Variants in ALK observed in about 807,000 individuals in gnomAD.
ALK encodes the protein ALK tyrosine kinase receptor.
Under a neutral mutation model 163.1 loss-of-function variants are expected in ALK, and 74 were observed. The ratio of observed to expected loss-of-function variants is 0.45; its 90% CI spans 0.38 to 0.55. The LOEUF is 0.55. ALK is among the 20% of genes least tolerant of loss of function. ALK has a pLI of 0.00. For missense variants in ALK, 2,063 were observed against 2,105.3 expected (o/e 0.98, Z 0.39); for synonymous variants, 960 against 843.2 (o/e 1.14, Z -2.40).
chr2:29,435,979 G>A (rs1670386047), intron 4 of ALK, among the ~76,000 whole-genome samples: 1 of 151,972 alleles, frequency 6.6e-6, no homozygotes, highest in South Asian at 2.1e-4. Context: ...AACTTTTCCT[G>A]GAAATGAAAG....
intron 1 of ALK, among the ~76,000 whole-genome samples, chr2:29,722,787 A>C (rs2148311509): frequency 6.6e-6 from 1 of 152,324 alleles, no homozygotes; most frequent in Admixed American, 6.5e-5. Context: ...TTGCCCAATA[A>C]GCATCTGAAA....
In ALK at chr2:29,193,650, T is replaced by G; in HGVS notation, c.4437A>C (p.Ala1479=). The change falls in exon 29 of 29, where the codon GCA becomes GCC. Residue 1479 remains alanine, a synonymous_variant. Coordinates refer to ENST00000389048, the MANE Select transcript of ALK (RefSeq NM_004304.5). Reference sequence around the variant, plus strand: ...CCGAAGGAGGGTTGGACTGAGAGAATGCCATATTCACGTGTCCCCCTTCCA... The same window carrying G: ...CCGAAGGAGGGTTGGACTGAGAGAAGGCCATATTCACGTGTCCCCCTTCCA... The part of the protein sequence containing the change: ...PAVEGGHVNM[A]FSQSNPPSEL... 4 of 1,614,250 alleles carry G rather than the reference T, an allele frequency of 2.5e-6. No individual in the cohort carries two copies. In the Admixed American group the frequency reaches 5.0e-5, roughly 20 times the overall value.
At position 29,246,835 on chromosome 2, in the gene ALK, A is replaced by G. The variant is rs1664686703; in HGVS notation, c.2204+4270T>C. Among the ~76,000 whole-genome samples the G allele has an allele frequency of 6.6e-6, 1 of 151,990 alleles. No individual in the cohort carries two copies. Among genetic ancestry groups the G allele is most frequent in the Non-Finnish European group, 1.5e-5 (1 of 67,998 alleles). On this transcript the variant is annotated intron_variant, in intron 12 of 28. Coordinates refer to ENST00000389048, the MANE Select transcript of ALK (RefSeq NM_004304.5). This position sits in a 1 kb window ranked among gnomAD's most constrained non-coding sequence, Gnocchi z 4.3. Reference sequence around the variant, plus strand: ...CCTTCCAACTGCTCTCCCCACCTCCAGGCCGTTTCTCTCACTTCCACCCTC... The same window carrying G: ...CCTTCCAACTGCTCTCCCCACCTCCGGGCCGTTTCTCTCACTTCCACCCTC...
chr2:29,739,892 A>G (rs1409003556), intron 1 of ALK, among the ~76,000 whole-genome samples: 1 of 152,144 alleles, frequency 6.6e-6, no homozygotes, highest in East Asian at 1.9e-4. Context: ...CAGCAGTACA[A>G]GAAACTCTAT....
chr2:29,884,053 T>A (rs1006175775), intron 1 of ALK, among the ~76,000 whole-genome samples: 2 of 152,202 alleles, frequency 1.3e-5, no homozygotes, highest in African/African-American at 4.8e-5. Flanking sequence ...AATGTAAAGA[T>A]GCAGCATTAA....
At chr2:29,806,967 G>A (rs921856354) in intron 1 of ALK, among the ~76,000 whole-genome samples, 9 of 152,198 alleles carry the variant, frequency 5.9e-5, no homozygotes, top group South Asian at 2.1e-4. Flanking sequence ...GCACGTGCAC[G>A]CACATACACA....
At chr2:29,400,173 C>T (rs987023197) in intron 4 of ALK, among the ~76,000 whole-genome samples, 10 of 151,936 alleles carry the variant, frequency 6.6e-5, no homozygotes, top group Admixed American at 3.9e-4. Flanking sequence ...GATTTTTTTT[C>T]GTTCATTTTC....
At chr2:29,609,257 G>A (rs1675624283) in intron 3 of ALK, among the ~76,000 whole-genome samples, 1 of 151,952 alleles carries the variant, frequency 6.6e-6, no homozygotes, top group Non-Finnish European at 1.5e-5. Context: ...GCCTTATCTG[G>A]GTGAATAGTT....
intron 3 of ALK, among the ~76,000 whole-genome samples, chr2:29,618,638 C>T (rs775400861): frequency 1.6e-4 from 24 of 152,120 alleles, no homozygotes; most frequent in Non-Finnish European, 8.8e-5. Context: ...AAGCTGCCCA[C>T]GCTACAGACT....
rs1665500452 is a variant in ALK, at chr2:29,275,149, A to G, written c.1991T>C (p.Leu664Pro). 6.2e-7 allele frequency: 1 copy of G among 1,614,008 alleles called. No individual in the cohort carries two copies. The highest frequency in any genetic ancestry group is 8.5e-7 in the Non-Finnish European group (1 of 1,180,046). Residue 664 changes from leucine to proline, a missense_variant, in exon 11 of 29, where the codon CTG becomes CCG. Leu to Pro is a moderately conservative substitution (Grantham distance 98). Transcript: ENST00000389048. ...TCTTGGTGAATTTTCCCCGGGTTTC[A>G]GCTCCTTGTTTGGGTTTCTCTCAAA... is the stretch of plus-strand genomic sequence containing the variant. ...NLFERNPNKE[L>P]KPGENSPRQT...
chr2:29,854,103 C>T (rs7602867), intron 1 of ALK, among the ~76,000 whole-genome samples: 40,650 of 151,904 alleles, frequency 0.27, 6,182 homozygotes, highest in East Asian at 0.57. Context: ...CTGTCCTCCT[C>T]CACCCTGCAC....
intron 1 of ALK, among the ~76,000 whole-genome samples, chr2:29,915,927 G>T (rs1667822051): frequency 6.6e-6 from 1 of 152,166 alleles, no homozygotes; most frequent in Non-Finnish European, 1.5e-5. Context: ...CAAAATATTT[G>T]TCATTAACAA....
intron 1 of ALK, among the ~76,000 whole-genome samples, chr2:29,878,828 T>C (rs1572462446): frequency 6.6e-6 from 1 of 152,164 alleles, no homozygotes; most frequent in Admixed American, 6.5e-5. Context: ...ACAGGGTTAC[T>C]AGGTCTAAGA....
At chr2:29,787,614 G>C (rs572520551) in intron 1 of ALK, among the ~76,000 whole-genome samples, 1 of 152,110 alleles carries the variant, frequency 6.6e-6, no homozygotes, top group Non-Finnish European at 1.5e-5. Flanking sequence ...ACATTCGTGG[G>C]TCAGATTTTA....
intron 1 of ALK, among the ~76,000 whole-genome samples, chr2:29,820,392 C>A (rs13016793): frequency 0.28 from 41,863 of 152,048 alleles, 5,992 homozygotes; most frequent in Non-Finnish European, 0.32. Flanking sequence ...TCAGAAAAGA[C>A]CCTGAGCCAG....
At chr2:29,870,995 C>G (rs555556104) in intron 1 of ALK, among the ~76,000 whole-genome samples, 49 of 152,202 alleles carry the variant, frequency 3.2e-4, no homozygotes, top group Non-Finnish European at 6.5e-4. Context: ...AGTGAGGAAT[C>G]CAGGACTGTT....
intron 1 of ALK, among the ~76,000 whole-genome samples, chr2:29,738,648 C>G (rs1366560554): frequency 6.6e-6 from 1 of 152,034 alleles, no homozygotes; most frequent in African/African-American, 2.4e-5. Context: ...AAATGAAGAA[C>G]TGAAATTTCA....
chr2:29,325,247 G>A (rs1667217276), intron 6 of ALK, among the ~76,000 whole-genome samples: 1 of 152,210 alleles, frequency 6.6e-6, no homozygotes, highest in South Asian at 2.1e-4. Flanking sequence ...CACCTGCTCA[G>A]AGGAAACATT....
intron 8 of ALK, among the ~76,000 whole-genome samples, chr2:29,305,358 G>A (rs1247646102): frequency 4.6e-5 from 7 of 152,136 alleles, no homozygotes; most frequent in African/African-American, 7.2e-5. Flanking sequence ...GGATGTATAC[G>A]GGGCTAGAAC....
Sources: allele counts gnomAD v4.1 joint callset (sites outside exome capture counted in the v4.1 genomes callset), GRCh38; gene constraint gnomAD v4.1.1; non-coding constraint Gnocchi (gnomAD v3.1); transcripts MANE v1.5; gene names NCBI Gene and HGNC (gene_info 2026-07-23, HGNC 2026-07-21).